Variants in SNRPN observed in about 807,000 individuals in gnomAD.
The protein encoded by SNRPN is small nuclear ribonucleoprotein polypeptide N.
In SNRPN, 7 loss-of-function variants were observed where a neutral mutation model predicts 25.2. The ratio of observed to expected loss-of-function variants is 0.28; its 90% CI spans 0.16 to 0.52. The LOEUF (loss-of-function observed/expected upper bound fraction) is 0.52. Among genes scored for constraint, SNRPN ranks in the 20% least tolerant of loss-of-function variants. The probability of loss-of-function intolerance (pLI) is 0.96; values close to 1 mark genes in which losing one functional copy is unlikely to be tolerated. For missense variants in SNRPN, 196 were observed against 322.5 expected, an observed-to-expected ratio of 0.61 and a Z score of 3.00; for synonymous variants, 124 against 110.6, an observed-to-expected ratio of 1.12 and a Z score of -0.76.
rs150762285 is a variant in SNRPN at position 24,878,314 on chromosome 15, C to T, written c.-578-8202C>T. ...CCGCAACCACCGCTGCCACGCAGCC[C>T]GCAAGAAATGTGCCACCGTTCTGAG... On this transcript the variant is annotated intron_variant, in intron 1 of 11. Coordinates refer to the SNRPN transcript ENST00000400097. 7.4e-4 allele frequency among the ~76,000 whole-genome samples: 113 copies of T among 152,258 alleles called. 1 individual carries two copies. The East Asian group carries it at 0.017, about 24-fold the overall frequency.
chr15:24,877,353 G>T (rs1035143143), intron 1 of SNRPN, among the ~76,000 whole-genome samples: 1 of 152,170 alleles, frequency 6.6e-6, no homozygotes, highest in African/African-American at 2.4e-5. Context: ...TTTAGGGAAT[G>T]AAGAACCATG....
At chr15:24,941,316 A>C (rs2061543652) in intron 3 of SNRPN, among the ~76,000 whole-genome samples, 2 of 152,040 alleles carry the variant, frequency 1.3e-5, no homozygotes, top group East Asian at 1.9e-4. Context: ...ACATACACAA[A>C]CCTATTTATA....
At chr15:24,883,651 GAT>G (rs2056936587) in intron 1 of SNRPN, among the ~76,000 whole-genome samples, 1 of 152,002 alleles carries the variant, frequency 6.6e-6, no homozygotes, top group Non-Finnish European at 1.5e-5. Flanking sequence ...CTTCTTTGTG[GAT>G]ATATGTTTTA....
At chr15:24,876,113 CTCTT>C (rs1021226260) in intron 1 of SNRPN, among the ~76,000 whole-genome samples, 5 of 151,916 alleles carry the variant, frequency 3.3e-5, no homozygotes, top group African/African-American at 1.2e-4. Flanking sequence ...GTGTTCAACA[CTCTT>C]TCTACTTGCT....
intron 2 of SNRPN, among the ~76,000 whole-genome samples, chr15:24,918,433 AAT>A (rs1300574870): frequency 1.0e-4 from 8 of 77,956 alleles, no homozygotes; most frequent in African/African-American, 1.6e-4. Context: ...TATATAACAT[AAT>A]ATATATGTGT....
chr15:24,917,483 G>C (rs1159630651), intron 2 of SNRPN, among the ~76,000 whole-genome samples: 2 of 152,214 alleles, frequency 1.3e-5, no homozygotes, highest in African/African-American at 4.8e-5. Context: ...TACTGCATAA[G>C]GTTTCAGGGG....
intron 1 of SNRPN, among the ~76,000 whole-genome samples, chr15:24,883,005 A>T (rs908975394): frequency 6.6e-6 from 1 of 152,112 alleles, no homozygotes; most frequent in African/African-American, 2.4e-5. Flanking sequence ...TGAATATCTC[A>T]TGTAATTCAT....
chr15:24,858,455 CT>C (rs141379278), intron 1 of SNRPN, among the ~76,000 whole-genome samples: 19,986 of 151,838 alleles, frequency 0.13, 1,691 homozygotes, highest in Admixed American at 0.18. Context: ...ATTCCTCAAC[CT>C]GAATTGAACA....
chr15:24,836,558 C>CCCA (rs2051212434), intron 2 of SNRPN, among the ~76,000 whole-genome samples: 1 of 151,796 alleles, frequency 6.6e-6, no homozygotes, highest in Non-Finnish European at 1.5e-5. Context: ...ACTATAGGCG[C>CCCA]CCACCACCAC....
At chr15:24,843,595 C>T (rs2051890424) in intron 2 of SNRPN, among the ~76,000 whole-genome samples, 1 of 152,082 alleles carries the variant, frequency 6.6e-6, no homozygotes, top group African/African-American at 2.4e-5. Context: ...CCAGCCTGGC[C>T]AACATGGTGA....
In SNRPN at chr15:24,949,061, A is replaced by G. The variant is rs2062065576; in HGVS notation, c.-390-13053A>G. Among the ~76,000 whole-genome samples, 3 of 115,772 alleles carry G rather than the reference A, an allele frequency of 2.6e-5. No homozygotes were observed. In the South Asian group the frequency reaches 7.8e-4, roughly 30 times the overall value. The allele number at this position is 115,772 out of a possible 152,430, so 76.0% of individuals were successfully genotyped here. ...TTTTGAGATAGAGTCTCACTCTCTC[A>G]CCTAGGCTGGAGTGCAGTGGCGCAA... On this transcript the variant is annotated intron_variant, in intron 3 of 11. Coordinates refer to the SNRPN transcript ENST00000400097.
At chr15:24,919,144 C>G (rs1018598515) in intron 2 of SNRPN, among the ~76,000 whole-genome samples, 6 of 150,600 alleles carry the variant, frequency 4.0e-5, no homozygotes, top group African/African-American at 1.2e-4. Flanking sequence ...AAAAGTTATT[C>G]AATTGCTGGG....
chr15:24,878,307 C>T (rs767322710), intron 1 of SNRPN, among the ~76,000 whole-genome samples: 1 of 152,198 alleles, frequency 6.6e-6, no homozygotes, highest in African/African-American at 2.4e-5. Flanking sequence ...ACCGCTGCCA[C>T]GCAGCCCGCA....
intron 1 of SNRPN, among the ~76,000 whole-genome samples, chr15:24,873,158 C>T (rs74324001): frequency 0.043 from 4,853 of 112,270 alleles, 1,236 homozygotes; most frequent in African/African-American, 0.14. Context: ...CAATTACTCC[C>T]GCCTTGCCCG....
chr15:24,941,884 ATTC>A (rs1484174663), intron 3 of SNRPN, among the ~76,000 whole-genome samples: 1 of 151,992 alleles, frequency 6.6e-6, no homozygotes, highest in East Asian at 1.9e-4. Context: ...GGTTCAAACA[ATTC>A]TTCTGCCTCA....
chr15:24,955,305 G>A (rs1005442358), intron 1 of SNRPN, among the ~76,000 whole-genome samples: 3 of 151,962 alleles, frequency 2.0e-5, no homozygotes, highest in African/African-American at 7.3e-5. Flanking sequence ...CTGTGGTGTC[G>A]CGACAGGTCC....
intron 2 of SNRPN, among the ~76,000 whole-genome samples, chr15:24,896,875 C>T (rs767901108): frequency 2.0e-5 from 3 of 152,064 alleles, no homozygotes; most frequent in Non-Finnish European, 2.9e-5. Flanking sequence ...ACAGAGTCTG[C>T]GCACAGTGGT....
chr15:24,868,437 G>C (rs186612958), intron 1 of SNRPN, among the ~76,000 whole-genome samples: 43 of 152,290 alleles, frequency 2.8e-4, no homozygotes, highest in African/African-American at 9.1e-4. Flanking sequence ...CAAGGGGAGA[G>C]TTTGCTAGCA....
chr15:24,847,158 C>T (rs758386586), intron 2 of SNRPN, among the ~76,000 whole-genome samples: 18 of 152,190 alleles, frequency 1.2e-4, no homozygotes, highest in South Asian at 4.1e-4. Context: ...TTAATTTCAC[C>T]TTACCAGCAT....
Sources: gnomAD v4.1 joint callset for allele counts (sites outside exome capture counted in the v4.1 genomes callset) on GRCh38, gnomAD v4.1.1 for gene constraint, MANE v1.5 for transcripts, NCBI Gene and HGNC (gene_info 2026-07-23, HGNC 2026-07-21) for gene names.